Variants in MYO5A observed in about 807,000 individuals in gnomAD.
The protein encoded by MYO5A is myosin VA.
Under a neutral mutation model 249.7 loss-of-function variants are expected in MYO5A, and 98 were observed. That is an observed-to-expected ratio of 0.39 (90% confidence interval 0.33 to 0.46). The LOEUF (loss-of-function observed/expected upper bound fraction) is 0.46, where lower values mean the gene tolerates loss of function less well. Ranked by LOEUF, MYO5A falls within the 20% of genes least tolerant of loss-of-function variation. MYO5A has a pLI of 0.98. For synonymous variants in MYO5A, 778 were observed against 810.6 expected, an observed-to-expected ratio of 0.96 and a Z score of 0.68; for missense variants, 1,696 against 2,308.8, an observed-to-expected ratio of 0.73 and a Z score of 5.44.
intron 1 of MYO5A, among the ~76,000 whole-genome samples, chr15:52,435,265 C>CTTTTTTTTTTTT (rs35456308): frequency 8.8e-6 from 1 of 113,720 alleles, no homozygotes; most frequent in Non-Finnish European, 1.7e-5. Flanking sequence ...ACGTTAACCT[C>CTTTTTTTTTTTT]TTTTTTTTTT....
intron 4 of MYO5A, among the ~76,000 whole-genome samples, chr15:52,417,159 T>G (rs969168201): frequency 1.2e-4 from 19 of 152,200 alleles, no homozygotes; most frequent in African/African-American, 4.3e-4. Flanking sequence ...AGCATTAAAT[T>G]AGAGAGCATC....
At chr15:52,400,521 A>G (rs2042702737) in intron 9 of MYO5A, among the ~76,000 whole-genome samples, 1 of 152,206 alleles carries the variant, frequency 6.6e-6, no homozygotes, top group Admixed American at 6.5e-5. Context: ...ATGGTCCAGG[A>G]TTCAATCCAG....
chr15:52,392,895 G>A (rs965817679), intron 11 of MYO5A, among the ~76,000 whole-genome samples: 2 of 152,234 alleles, frequency 1.3e-5, no homozygotes, highest in African/African-American at 2.4e-5. Context: ...GGAAAATAAC[G>A]TGAACTATAA....
Position 52,309,133 on chromosome 15 carries a change from A to C in MYO5A, c.*4563T>G, listed in dbSNP as rs937507396. 6.6e-6 allele frequency: 1 copy of C among 152,290 alleles called. No homozygotes were observed. Among genetic ancestry groups the C allele is most frequent in the African/African-American group, 2.4e-5 (1 of 41,442 alleles). The allele number at this position is 152,290 out of a possible 1,614,324, so 9.4% of individuals were successfully genotyped here. A position where few individuals can be genotyped will look rare whatever the true frequency, so the allele number is the denominator to read the frequency against. On this transcript the variant is annotated 3_prime_UTR_variant, in exon 42 of 42. Transcript: ENST00000399233. ...ACAGCTCACCTGGTGGCTCCAATAA[A>C]GACTCTGATGGGTGTGGGGAGAGTA...
At chr15:52,401,860 T>G (rs2042772961) in intron 9 of MYO5A, among the ~76,000 whole-genome samples, 1 of 152,236 alleles carries the variant, frequency 6.6e-6, no homozygotes, top group Admixed American at 6.5e-5. Context: ...TTGGGTCCTA[T>G]CTTGCATTTT....
chr15:52,405,740 T>A (rs2042974978), intron 8 of MYO5A, among the ~76,000 whole-genome samples: 1 of 152,290 alleles, frequency 6.6e-6, no homozygotes, highest in Non-Finnish European at 1.5e-5. Flanking sequence ...ATGTGAAGAT[T>A]AAATGAGATT....
chr15:52,396,279 T>A lies in MYO5A; in HGVS notation c.1401+37A>T, dbSNP rs3751615. 2,156 of 1,180,706 alleles carry A rather than the reference T, an allele frequency of 1.8e-3. 28 individuals are homozygous for A. The African/African-American group carries it at 0.028, about 16-fold the overall frequency. 73.1% of individuals were successfully genotyped at this position (1,180,706 alleles called of 1,614,324 possible). A position where few individuals can be genotyped will look rare whatever the true frequency, so the allele number is the denominator to read the frequency against. ...AAGACTAGGAATTCAAGAGAATAAT[T>A]TATAGCAGAGTATTATTCAAGGAAG... On this transcript the variant is annotated intron_variant, in intron 11 of 41. Transcript: ENST00000399233.
At chr15:52,388,690 T>C (rs1484191113) in intron 13 of MYO5A, among the ~76,000 whole-genome samples, 1 of 152,178 alleles carries the variant, frequency 6.6e-6, no homozygotes, top group East Asian at 1.9e-4. Flanking sequence ...TAAGACAGTA[T>C]GCCTTATTAG....
At chr15:52,320,383 G>C (rs893980477) in intron 38 of MYO5A, among the ~76,000 whole-genome samples, 3 of 152,334 alleles carry the variant, frequency 2.0e-5, no homozygotes, top group African/African-American at 7.2e-5. Flanking sequence ...ATGGGGGTAA[G>C]GATTTAGATT....
chr15:52,324,789 C>A (rs545127463), intron 36 of MYO5A, among the ~76,000 whole-genome samples: 46 of 151,932 alleles, frequency 3.0e-4, no homozygotes, highest in African/African-American at 9.9e-4. Context: ...GTACAAAACG[C>A]CCTTAAATTT....
At chr15:52,318,990 G>A in intron 39 of MYO5A, 70 bp downstream of exon 39, 2 of 1,566,014 alleles carry the variant, frequency 1.3e-6, no homozygotes, top group Non-Finnish European at 1.7e-6. Flanking sequence ...CAAGTCATCA[G>A]CTCTCCACAA....
At chr15:52,443,288 A>T (rs1383846790) in intron 1 of MYO5A, among the ~76,000 whole-genome samples, 1 of 151,934 alleles carries the variant, frequency 6.6e-6, no homozygotes, top group Non-Finnish European at 1.5e-5. Flanking sequence ...CAATAACAGC[A>T]AAAAAACAAT....
rs759232191 is a variant in MYO5A at position 52,384,199 on chromosome 15, G to T, written c.1876C>A (p.Gln626Lys). Reference protein sequence around the residue: ...PAKPTKGRPGQMAKEHKKTVG... With the variant: ...PAKPTKGRPGKMAKEHKKTVG... ...GTTTTCTTGTGCTCTTTGGCCATTTGGCCTGGTCTGCCTTTGGTGGGCTTT... is the reference window on the plus strand; with the variant it reads ...GTTTTCTTGTGCTCTTTGGCCATTTTGCCTGGTCTGCCTTTGGTGGGCTTT... Residue 626 changes from glutamine to lysine, a missense_variant, in exon 15 of 42, where the codon CAA becomes AAA. Gln to Lys is a moderately conservative substitution (Grantham distance 53). Around this residue, in one of 5 missense-constraint regions of MYO5A, gnomAD observed 277 missense variants for 422.4 expected, o/e 0.66. Coordinates refer to ENST00000399233, the MANE Select transcript of MYO5A (RefSeq NM_001382347.1). 17 of 1,614,072 alleles carry T rather than the reference G, an allele frequency of 1.1e-5. No homozygotes were observed. In the East Asian group the frequency reaches 3.8e-4, roughly 36 times the overall value.
intron 1 of MYO5A, among the ~76,000 whole-genome samples, chr15:52,470,268 G>A (rs565967362): frequency 3.3e-5 from 5 of 152,080 alleles, no homozygotes; most frequent in Non-Finnish European, 7.4e-5. Context: ...CTGTGTTTGG[G>A]GGCAAGTAGA....
At position 52,351,258 on chromosome 15, in the gene MYO5A, G is replaced by C. The variant is rs756909154; in HGVS notation, c.3845C>G (p.Pro1282Arg). Residue 1282 changes from proline to arginine, a missense_variant, in exon 28 of 42, where the codon CCC becomes CGC. By Grantham distance (103) the Pro-to-Arg change is moderately radical. Transcript: ENST00000399233. ...QLVSQKEAIQPKDDKNTMTDS... is the reference protein window; with the variant it reads ...QLVSQKEAIQRKDDKNTMTDS... ...TAATTGTGTGCTTGCGCTTACCTTG[G>C]GTTGGATGGCCTCTTTCTGGCTCAC... The C allele has an allele frequency of 6.2e-7, 1 of 1,613,772 alleles. No homozygotes were observed. The highest frequency in any genetic ancestry group is 1.3e-5 in the African/African-American group (1 of 74,902).
intron 1 of MYO5A, among the ~76,000 whole-genome samples, chr15:52,480,085 G>A (rs139013785): frequency 6.6e-6 from 1 of 152,200 alleles, no homozygotes; most frequent in Non-Finnish European, 1.5e-5. Context: ...GCATCACATC[G>A]TATACCTTGA....
chr15:52,317,296 C>A (rs896502352), intron 39 of MYO5A, 74 bp from the exon 40 acceptor site: 8 of 1,435,478 alleles, frequency 5.6e-6, no homozygotes, highest in African/African-American at 1.4e-5. Flanking sequence ...TTTTTGTGTG[C>A]GGCCTTGTCA....
At chr15:52,471,987 C>A (rs752941120) in intron 1 of MYO5A, among the ~76,000 whole-genome samples, 1 of 152,092 alleles carries the variant, frequency 6.6e-6, no homozygotes, top group African/African-American at 2.4e-5. Context: ...GCATGAGCCA[C>A]TGTTTCTGGT....
Position 52,528,818 on chromosome 15 carries a change from C to A in MYO5A, c.-12G>T, listed in dbSNP as rs1238589618. 2.0e-6 allele frequency: 3 copies of A among 1,486,320 alleles called. No homozygotes were observed. Among genetic ancestry groups the A allele is most frequent in the South Asian group, 1.3e-5 (1 of 79,232 alleles). 92.1% of individuals were successfully genotyped at this position (1,486,320 alleles called of 1,614,324 possible). A position where few individuals can be genotyped will look rare whatever the true frequency, so the allele number is the denominator to read the frequency against. ...TCCGACGCAGCCATGGCGGGCCCCG[C>A]GCGCCTACGCCCCCCGCCTGTGCGG... On this transcript the variant is annotated 5_prime_UTR_variant, in exon 1 of 42. Transcript: ENST00000399233.
Sources: allele counts gnomAD v4.1 joint callset (sites outside exome capture counted in the v4.1 genomes callset), GRCh38; gene constraint gnomAD v4.1.1; regional missense constraint gnomAD v4.1.1; transcripts MANE v1.5; gene names NCBI Gene and HGNC (gene_info 2026-07-23, HGNC 2026-07-21).